The following MYCBP2 variants were observed in gnomAD, a reference collection of about 807,000 sequenced individuals.
MYCBP2 encodes E3 ubiquitin-protein ligase MYCBP2.
A neutral mutation model predicts 525.3 loss-of-function variants in MYCBP2; 120 were observed. The ratio of observed to expected loss-of-function variants is 0.23; its 90% confidence interval spans 0.20 to 0.27. The LOEUF is 0.27. Ranked by LOEUF, MYCBP2 falls within the 10% of genes least tolerant of loss-of-function variation. The pLI, the probability that MYCBP2 is intolerant of heterozygous loss-of-function variation, is 1.00. For synonymous variants in MYCBP2, 1,894 were observed against 1,955.8 expected (o/e 0.97, Z 0.83); for missense variants, 4,149 against 5,657.1 (o/e 0.73, Z 8.55).
At chr13:77,189,465 A>G (rs139300280) in intron 29 of MYCBP2, among the ~76,000 whole-genome samples, 1 of 152,282 alleles carries the variant, frequency 6.6e-6, no homozygotes, top group African/African-American at 2.4e-5. Context: ...TGCACGGTGC[A>G]TAAAAACCAA....
intron 80 of MYCBP2, 146 bp from the exon 81 acceptor site, chr13:77,052,064 G>T: frequency 1.6e-6 from 1 of 620,774 alleles, no homozygotes; most frequent in Non-Finnish European, 2.9e-6. Flanking sequence ...CCAAGTGCAT[G>T]CCCATATTGC....
chr13:77,236,268 G>A (rs992247452), intron 17 of MYCBP2, among the ~76,000 whole-genome samples: 4 of 152,136 alleles, frequency 2.6e-5, no homozygotes, highest in Non-Finnish European at 5.9e-5. Context: ...AGAGGAGTGA[G>A]TAAAATAGGG....
intron 33 of MYCBP2, among the ~76,000 whole-genome samples, chr13:77,181,262 A>G (rs904541770): frequency 3.9e-5 from 6 of 152,160 alleles, no homozygotes; most frequent in African/African-American, 1.4e-4. Context: ...TCCTATACCT[A>G]TTATTTACAG....
At position 77,270,802 on chromosome 13, in the gene MYCBP2, A is replaced by C. The variant is rs937305326; in HGVS notation, c.946-264T>G. On this transcript the variant is annotated intron_variant, in intron 5 of 82. Transcript: ENST00000544440. Reference sequence around the variant, plus strand: ...TTATTTCAAGTACTCTATCTCCACAAATCTATTATTGCCTTGTGGAACTCA... The same window carrying C: ...TTATTTCAAGTACTCTATCTCCACACATCTATTATTGCCTTGTGGAACTCA... 5.3e-5 allele frequency among the ~76,000 whole-genome samples: 8 copies of C among 152,160 alleles called. No individual in the cohort carries two copies. In the South Asian group the frequency reaches 1.7e-3, roughly 32 times the overall value.
At chr13:77,113,546 T>C (rs1023614078) in intron 55 of MYCBP2, among the ~76,000 whole-genome samples, 12 of 151,960 alleles carry the variant, frequency 7.9e-5, no homozygotes, top group African/African-American at 2.9e-4. Context: ...ATAAACACAG[T>C]AGCAAACAAA....
At chr13:77,285,618 C>A (rs1283018692) in intron 3 of MYCBP2, among the ~76,000 whole-genome samples, 1 of 152,074 alleles carries the variant, frequency 6.6e-6, no homozygotes, top group East Asian at 1.9e-4. Context: ...GAAACCCCAT[C>A]TCTAATAAAA....
At chr13:77,085,241 T>C (rs2044033089) in intron 62 of MYCBP2, among the ~76,000 whole-genome samples, 1 of 152,146 alleles carries the variant, frequency 6.6e-6, no homozygotes, top group South Asian at 2.1e-4. Flanking sequence ...CTATAAATAT[T>C]TTTCTTGTTA....
At chr13:77,113,459 T>C (rs2049188944) in intron 55 of MYCBP2, among the ~76,000 whole-genome samples, 1 of 151,692 alleles carries the variant, frequency 6.6e-6, no homozygotes, top group Non-Finnish European at 1.5e-5. Context: ...TAGCACAGAG[T>C]AGATACTTAA....
intron 68 of MYCBP2, 139 bp downstream of exon 68, chr13:77,076,612 T>G: frequency 3.6e-6 from 2 of 561,176 alleles, no homozygotes; most frequent in Non-Finnish European, 6.2e-6. Flanking sequence ...AGATAGTTCC[T>G]TCATCTTTCT....
chr13:77,166,896 G>A (rs1334235583), intron 40 of MYCBP2, among the ~76,000 whole-genome samples: 13 of 151,576 alleles, frequency 8.6e-5, no homozygotes. Context: ...ATCATGCAGA[G>A]GGAGCATTCC....
rs1325929873 is a variant in MYCBP2 at position 77,121,411 on chromosome 13, C to T, written c.8102G>A (p.Ser2701Asn). 9.4e-6 allele frequency: 15 copies of T among 1,596,672 alleles called. No individual in the cohort carries two copies. The highest frequency in any genetic ancestry group is 1.7e-4 in the Middle Eastern group (1 of 5,992). ...GAGTCCATAATCAAATCCTTGGGCA[C>T]TGCAACTTGCCCCTTTATTAAAAGC... ...VQAFNKGASC[S>N]AQGFDYGLGN... Residue 2701 changes from serine to asparagine, a missense_variant, in exon 55 of 83, where the codon AGT becomes AAT. By Grantham distance (46) the Ser-to-Asn change is conservative. Transcript: ENST00000544440.
intron 56 of MYCBP2, 124 bp from the exon 57 acceptor site, chr13:77,096,605 C>T: frequency 9.8e-7 from 1 of 1,022,246 alleles, no homozygotes; most frequent in Non-Finnish European, 1.4e-6. Context: ...AAGTAGATAT[C>T]TTATTTTTCA....
At chr13:77,202,302 A>G (rs1413395848) in intron 26 of MYCBP2, among the ~76,000 whole-genome samples, 1 of 152,226 alleles carries the variant, frequency 6.6e-6, no homozygotes, top group African/African-American at 2.4e-5. Flanking sequence ...AGAAATGGAT[A>G]AGGGATTCCT....
At chr13:77,151,096 G>T in intron 46 of MYCBP2, 147 bp from the exon 47 acceptor site, 1 of 678,756 alleles carries the variant, frequency 1.5e-6, no homozygotes, top group Non-Finnish European at 2.4e-6. Context: ...AAGGCTTATT[G>T]AAAAGAGTTC....
At chr13:77,233,445 C>T (rs2067418772) in intron 17 of MYCBP2, among the ~76,000 whole-genome samples, 182 bp from the exon 18 acceptor site, 1 of 112,962 alleles carries the variant, frequency 8.9e-6, no homozygotes, top group Non-Finnish European at 1.7e-5. Context: ...ATCACCATTT[C>T]ACATAAAAGT....
At chr13:77,164,601 A>ATTC in intron 42 of MYCBP2, 60 bp from the exon 43 acceptor site, 1 of 992,820 alleles carries the variant, frequency 1.0e-6, no homozygotes, top group Non-Finnish European at 1.6e-6. Context: ...ACGGATTATC[A>ATTC]ACAAAATGTG....
intron 5 of MYCBP2, among the ~76,000 whole-genome samples, chr13:77,271,901 G>A (rs2074950976): frequency 6.6e-6 from 1 of 152,218 alleles, no homozygotes; most frequent in Non-Finnish European, 1.5e-5. Flanking sequence ...TTTGGGAAAT[G>A]AAGTTGGTAG....
chr13:77,112,827 C>G (rs144077319), intron 55 of MYCBP2, among the ~76,000 whole-genome samples: 325 of 152,258 alleles, frequency 2.1e-3, no homozygotes, highest in African/African-American at 7.6e-3. Context: ...GAATTACTCT[C>G]ATTAGAAAAC....
At chr13:77,169,544 A>G in intron 39 of MYCBP2, 70 bp downstream of exon 39, 1 of 1,365,630 alleles carries the variant, frequency 7.3e-7, no homozygotes, top group South Asian at 1.2e-5. Context: ...TGTAAAGACA[A>G]GACACAAAGT....
Sources: allele counts gnomAD v4.1 joint callset (sites outside exome capture counted in the v4.1 genomes callset), GRCh38; gene constraint gnomAD v4.1.1; transcripts MANE v1.5; gene names NCBI Gene and HGNC (gene_info 2026-07-23, HGNC 2026-07-21).